Variants in ITGA10 observed in about 807,000 individuals in gnomAD.
ITGA10 encodes integrin alpha-10.
In ITGA10, 105 loss-of-function variants were observed where a neutral mutation model predicts 145.2. The ratio of observed to expected loss-of-function variants is 0.72; its 90% CI spans 0.62 to 0.85. ITGA10 has a LOEUF of 0.85. Ranked by LOEUF, ITGA10 falls within the 40% of genes least tolerant of loss-of-function variation. The pLI is 0.00. For synonymous variants in ITGA10, 506 were observed against 557.8 expected, an observed-to-expected ratio of 0.91 and a Z score of 1.31; for missense variants, 1,317 against 1,444.5, an observed-to-expected ratio of 0.91 and a Z score of 1.43.
chr1:145,897,762 C>T (rs1655644808), intron 19 of ITGA10, 53 bp downstream of exon 19: 42 of 1,610,358 alleles, frequency 2.6e-5, no homozygotes, highest in Non-Finnish European at 3.5e-5. Flanking sequence ...CCTTCGAGTC[C>T]CTTCCAGTCT....
intron 3 of ITGA10, 45 bp from the exon 4 acceptor site, chr1:145,906,869 A>C (rs1553751303): frequency 7.2e-7 from 1 of 1,395,016 alleles, no homozygotes; most frequent in Non-Finnish European, 1.0e-6. Context: ...GGGGTCATAG[A>C]TGGGGTGCTT....
chr1:145,893,603 G>A lies in ITGA10; in HGVS notation c.3261C>T (p.Thr1087=), dbSNP rs1553743961. 6.2e-7 allele frequency: 1 copy of A among 1,613,292 alleles called. No homozygotes were observed. The highest frequency in any genetic ancestry group is 1.1e-5 in the South Asian group (1 of 90,876). ...TGCCCTCTTCGGTTCCCAGCTCAAAGGTGCTGACCACCGTCAGGGACTTGA... is the reference window on the plus strand; with the variant it reads ...TGCCCTCTTCGGTTCCCAGCTCAAAAGTGCTGACCACCGTCAGGGACTTGA... ...AKFKSLTVVS[T]FELGTEEGSV... is the part of the protein sequence containing the mutation. The change falls in exon 28 of 30, where the codon ACC becomes ACT. Residue 1087 remains threonine, a synonymous_variant. Coordinates refer to ENST00000369304, the MANE Select transcript of ITGA10 (RefSeq NM_003637.5).
chr1:145,892,972 A>C, intron 29 of ITGA10, 109 bp from the exon 30 acceptor site: 3 of 1,002,536 alleles, frequency 3.0e-6, no homozygotes, highest in Non-Finnish European at 4.7e-6. Flanking sequence ...CCAAAAATGG[A>C]ATTCAAATTT....
In ITGA10 at chr1:145,903,299, T is replaced by G. The variant is rs1334824589; in HGVS notation, c.759-338A>C. 2.0e-5 allele frequency among the ~76,000 whole-genome samples: 3 copies of G among 152,282 alleles called. No homozygotes were observed. The East Asian group carries it at 5.8e-4, about 29-fold the overall frequency. ...TGAAATATAGAACGGAAAAGAATGA[T>G]CTGGGCAGGGACTCCTCCCAGAGAT... is the stretch of plus-strand genomic sequence containing the variant. On this transcript the variant is annotated intron_variant, in intron 7 of 29. Transcript: ENST00000369304.
chr1:145,905,899 G>A (rs1318923670), intron 5 of ITGA10: 4 of 156,374 alleles, frequency 2.6e-5, no homozygotes, highest in Admixed American at 1.8e-4. Flanking sequence ...ATGGACTCCT[G>A]ATAAGGAGTC....
chr1:145,900,681 G>T, intron 14 of ITGA10, 109 bp downstream of exon 14: 5 of 1,152,330 alleles, frequency 4.3e-6, no homozygotes, highest in Admixed American at 4.2e-5. Context: ...ACTAATAAAA[G>T]CACTTGTTCA....
chr1:145,898,157 G>A lies in ITGA10; in HGVS notation c.2299C>T (p.Pro767Ser), dbSNP rs1655709484. Residue 767 changes from proline (P) to serine (S), a missense_variant, in exon 18 of 30, where the codon CCA (proline) becomes TCA (serine). Pro to Ser is a moderately conservative substitution (Grantham distance 74). Transcript: ENST00000369304. Reference protein sequence around the residue: ...VTFALDNTTKPGPVLNEGSPT... With the variant: ...VTFALDNTTKSGPVLNEGSPT... ...GAGCCCTCATTCAGCACAGGCCCTG[G>A]CTTTGTAGTATTGTCCAAGGCAAAG... 2 of 1,614,042 alleles carry A rather than the reference G, an allele frequency of 1.2e-6. No homozygotes were observed. Among genetic ancestry groups the A allele is most frequent in the Non-Finnish European group, 1.7e-6 (2 of 1,179,984 alleles).
At chr1:145,905,024 GTA>G (rs1212040745) in intron 5 of ITGA10, among the ~76,000 whole-genome samples, 1 of 151,602 alleles carries the variant, frequency 6.6e-6, no homozygotes, top group Non-Finnish European at 1.5e-5. Flanking sequence ...ACATATAAAT[GTA>G]TATATATGTA....
At chr1:145,909,338 G>A (rs1240898915) in intron 1 of ITGA10, among the ~76,000 whole-genome samples, 1 of 150,312 alleles carries the variant, frequency 6.7e-6, no homozygotes, top group Non-Finnish European at 1.5e-5. Flanking sequence ...CGCGTACCTA[G>A]TAGTCCCAAC....
Position 145,904,160 on chromosome 1 carries a change from C to T in ITGA10, c.650G>A (p.Trp217Ter). 1 of 1,614,134 alleles carries T rather than the reference C, an allele frequency of 6.2e-7. No individual in the cohort carries two copies. The change falls in exon 7 of 30, where the codon TGG (tryptophan) becomes TAG (stop). Residue 217 changes from tryptophan (W) to a stop codon, truncating the protein, a stop_gained. Transcript: ENST00000369304. LOFTEE classifies it high-confidence loss of function. ...CTTCGTTCGGAAATCTCCCAGGGAC[C>T]ACTCATGTACAGGGCTCTCCCCATA... is the stretch of plus-strand genomic sequence containing the variant. ...VQYGESPVHE[W>*]SLGDFRTKEE...
chr1:145,894,395 C>G (rs1655106479), intron 27 of ITGA10, among the ~76,000 whole-genome samples: 1 of 152,084 alleles, frequency 6.6e-6, no homozygotes, highest in African/African-American at 2.4e-5. Flanking sequence ...CAGGCGTGAG[C>G]CACCGCGCCC....
rs1553751398 is a variant in ITGA10 at position 145,907,051 on chromosome 1, C to A, written c.264G>T (p.Lys88Asn). The change falls in exon 3 of 30, where the codon AAG becomes AAT. Residue 88 changes from lysine to asparagine, a missense_variant. Coordinates refer to ENST00000369304, the MANE Select transcript of ITGA10 (RefSeq NM_003637.5). Reference sequence around the variant, plus strand: ...CAGGCATCTTCTCACCTAAGTGGCCCTTGGCACATGGGGCATTGTGGGCCC... The same window carrying A: ...CAGGCATCTTCTCACCTAAGTGGCCATTGGCACATGGGGCATTGTGGGCCC... ...VGGAHNAPCAKGHLGDYQLGN... is the reference protein window; with the variant it reads ...VGGAHNAPCANGHLGDYQLGN... The A allele has an allele frequency of 1.9e-6, 3 of 1,554,330 alleles. No individual in the cohort carries two copies. Among genetic ancestry groups the A allele is most frequent in the Non-Finnish European group, 2.6e-6 (3 of 1,147,794 alleles).
rs782013919 is a variant in ITGA10 at position 145,897,245 on chromosome 1, A to G, written c.2667+2T>C. On this transcript the variant is annotated splice_donor_variant, in intron 21 of 29. Coordinates refer to ENST00000369304, the MANE Select transcript of ITGA10 (RefSeq NM_003637.5). LOFTEE classifies it high-confidence loss of function. ...CTCTTTTCATCCTAGACCCCAACCC[A>G]CCTTGGCTCCAGTCTGGAAGACAGG... 6.8e-6 allele frequency: 11 copies of G among 1,613,368 alleles called. No homozygotes were observed. Among genetic ancestry groups the G allele is most frequent in the Non-Finnish European group, 9.3e-6 (11 of 1,179,792 alleles).
At chr1:145,897,683 G>A in intron 19 of ITGA10, 30 bp from the exon 20 acceptor site, 1 of 1,613,914 alleles carries the variant, frequency 6.2e-7, no homozygotes, top group Non-Finnish European at 8.5e-7. Context: ...GAGAGACCAG[G>A]AGTTGAAGGA....
chr1:145,896,475 G>T (rs782731302), intron 23 of ITGA10, 123 bp from the exon 24 acceptor site: 6 of 771,130 alleles, frequency 7.8e-6, no homozygotes, highest in South Asian at 7.3e-5. Context: ...AAGAGGTGGG[G>T]GTACATGGAG....
chr1:145,900,722 C>T, intron 14 of ITGA10, 68 bp downstream of exon 14: 2 of 1,519,130 alleles, frequency 1.3e-6, no homozygotes, highest in Non-Finnish European at 1.8e-6. Flanking sequence ...AGACTATTGA[C>T]AAGCAAAGAG....
chr1:145,896,283 G>A lies in ITGA10; in HGVS notation c.2904C>T (p.Phe968=). The A allele has an allele frequency of 6.2e-7, 1 of 1,613,752 alleles. No homozygotes were observed. The highest frequency in any genetic ancestry group is 1.7e-5 in the Admixed American group (1 of 60,020). Residue 968 remains phenylalanine, a synonymous_variant, in exon 24 of 30, where the codon TTC becomes TTT. Coordinates refer to ENST00000369304, the MANE Select transcript of ITGA10 (RefSeq NM_003637.5). ...AGCTTCTCACCCTGAGAGTGGTTTTGAATTCTGGGCCAGGACCCACTGGGA... is the reference window on the plus strand; with the variant it reads ...AGCTTCTCACCCTGAGAGTGGTTTTAAATTCTGGGCCAGGACCCACTGGGA... ...GTLPVGPGPE[F]KTTLRVQNLG...
At position 145,897,620 on chromosome 1, in the gene ITGA10, C is replaced by T; in HGVS notation, c.2466G>A (p.Arg822=). 1 of 1,614,150 alleles carries T rather than the reference C, an allele frequency of 6.2e-7. No individual in the cohort carries two copies. The highest frequency in any genetic ancestry group is 2.2e-5 in the East Asian group (1 of 44,882). ...KAPFVVRGGR[R]KVLVSTTLEN... ...CCAGAGTTGTAGATACCAGCACTTT[C>T]CGCCGGCCACCTCGAACCACAAATG... Residue 822 remains arginine (R), a synonymous_variant, in exon 20 of 30, where the codon CGG becomes CGA. Coordinates refer to ENST00000369304, the MANE Select transcript of ITGA10 (RefSeq NM_003637.5).
At chr1:145,902,709 T>A in intron 8 of ITGA10, 90 bp from the exon 9 acceptor site, 1 of 1,538,880 alleles carries the variant, frequency 6.5e-7, no homozygotes, top group South Asian at 1.3e-5. Context: ...TGGGAAGTAG[T>A]TAATGCCCTT....
Sources: allele counts gnomAD v4.1 joint callset (sites outside exome capture counted in the v4.1 genomes callset), GRCh38; gene constraint gnomAD v4.1.1; transcripts MANE v1.5; gene names NCBI Gene and HGNC (gene_info 2026-07-23, HGNC 2026-07-21).